Variants in INSYN2A observed in about 807,000 individuals in gnomAD.
INSYN2A encodes the protein inhibitory synaptic factor 2A, also known as family with sequence similarity 196 member A.
Under a neutral mutation model 39.4 loss-of-function variants are expected in INSYN2A, and 17 were observed. That is an observed-to-expected ratio of 0.43 (90% CI 0.30 to 0.65). The LOEUF is 0.65. Ranked by LOEUF, INSYN2A falls within the 30% of genes least tolerant of loss-of-function variation. The probability of loss-of-function intolerance (pLI) is 0.14; values close to 1 mark genes in which losing one functional copy is unlikely to be tolerated. For missense variants in INSYN2A, 595 were observed against 631.2 expected, an observed-to-expected ratio of 0.94 and a Z score of 0.61; for synonymous variants, 255 against 265.7, an observed-to-expected ratio of 0.96 and a Z score of 0.39.
In INSYN2A at chr10:127,175,586, C is replaced by T; in HGVS notation, c.810G>A (p.Leu270=). 1 of 1,612,456 alleles carries T rather than the reference C, an allele frequency of 6.2e-7. No homozygotes were observed. Among genetic ancestry groups the T allele is most frequent in the Non-Finnish European group, 8.5e-7 (1 of 1,179,898 alleles). Residue 270 remains leucine (L), a synonymous_variant, in exon 4 of 6, where the codon TTG becomes TTA. Coordinates refer to ENST00000522781, the MANE Select transcript of INSYN2A (RefSeq NM_001039762.3). The surrounding 1 kb of genome is among the most constrained non-coding windows in gnomAD (Gnocchi z 6.3). ...ACTGGCTGGCGGCTGCAGAGTCTGA[C>T]AAACCAGGCTCGGGGGCCCTGGCAC... ...ALSARAPEPG[L]SDSAAASQWS... is the part of the protein sequence containing the mutation.
chr10:127,139,089 C>T (rs1458918989), intron 5 of INSYN2A, among the ~76,000 whole-genome samples: 1 of 152,184 alleles, frequency 6.6e-6, no homozygotes, highest in Non-Finnish European at 1.5e-5. Flanking sequence ...CCTTCCATGT[C>T]TGGTCTGGAT....
intron 2 of INSYN2A, among the ~76,000 whole-genome samples, chr10:127,178,152 A>G (rs2055357447): frequency 6.6e-6 from 1 of 152,212 alleles, no homozygotes; most frequent in Non-Finnish European, 1.5e-5. Flanking sequence ...GCCCTCTATT[A>G]AAATGACCTC....
At chr10:127,182,164 T>G (rs747350432) in intron 2 of INSYN2A, among the ~76,000 whole-genome samples, 1 of 152,132 alleles carries the variant, frequency 6.6e-6, no homozygotes, top group Non-Finnish European at 1.5e-5. Context: ...CCTCTGTCAT[T>G]AAGAACTGAT....
intron 4 of INSYN2A, among the ~76,000 whole-genome samples, chr10:127,173,764 G>A (rs2054805401): frequency 6.6e-6 from 1 of 152,128 alleles, no homozygotes; most frequent in Non-Finnish European, 1.5e-5. Flanking sequence ...GATGAGTGTT[G>A]CTTTTGGATC....
Position 127,196,306 on chromosome 10 carries a change from T to G in INSYN2A, c.-704A>C, listed in dbSNP as rs1017999589. 6.7e-6 allele frequency: 1 copy of G among 148,500 alleles called. No individual in the cohort carries two copies. The highest frequency in any genetic ancestry group is 1.5e-5 in the Non-Finnish European group (1 of 66,850). 9.2% of individuals were successfully genotyped at this position (148,500 alleles called of 1,614,324 possible). A position where few individuals can be genotyped will look rare whatever the true frequency, so the allele number is the denominator to read the frequency against. ...GCGGGGAGGCAGCGGCTGGGCCAGC[T>G]CCGGGGACGCCCGCGCGCTCGCTTG... On this transcript the variant is annotated 5_prime_UTR_variant, in exon 1 of 6. Transcript: ENST00000522781.
chr10:127,176,485 A>T lies in INSYN2A; in HGVS notation c.-5-85T>A, dbSNP rs2055172562. The T allele has an allele frequency of 9.1e-7, 1 of 1,101,042 alleles. No homozygotes were observed. Among genetic ancestry groups the T allele is most frequent in the Non-Finnish European group, 1.3e-6 (1 of 770,302 alleles). The allele number at this position is 1,101,042 out of a possible 1,614,324, so 68.2% of individuals were successfully genotyped here. ...GCCGCACAAACTTTTAGCCACCACG[A>T]CGACTGCCTGTTTCCTAATTATATT... On this transcript the variant is annotated intron_variant, in intron 3 of 5. Coordinates refer to ENST00000522781, the MANE Select transcript of INSYN2A (RefSeq NM_001039762.3). This position sits in a 1 kb window ranked among gnomAD's most constrained non-coding sequence, Gnocchi z 4.4.
rs562946737 is a variant in INSYN2A at position 127,176,632 on chromosome 10, C to T, written c.-5-232G>A. Among the ~76,000 whole-genome samples, 67 of 152,326 alleles carry T rather than the reference C, an allele frequency of 4.4e-4. No individual in the cohort carries two copies. Among genetic ancestry groups the T allele is most frequent in the African/African-American group, 1.4e-3 (57 of 41,568 alleles). On this transcript the variant is annotated intron_variant, in intron 3 of 5. Transcript: ENST00000522781. The surrounding 1 kb of genome is among the most constrained non-coding windows in gnomAD (Gnocchi z 4.4). ...CTTGCTTTTCCAGGTGGGATACACT[C>T]GCTTTCCTTTTGACAGTAATGCATG...
chr10:127,183,403 A>G (rs529430630), intron 2 of INSYN2A, among the ~76,000 whole-genome samples: 66 of 152,258 alleles, frequency 4.3e-4, no homozygotes, highest in South Asian at 1.2e-3. Flanking sequence ...AAATGCCACA[A>G]TGTTTCTTTG....
intron 4 of INSYN2A, among the ~76,000 whole-genome samples, chr10:127,170,416 G>T (rs1399173215): frequency 6.6e-6 from 1 of 152,142 alleles, no homozygotes; most frequent in African/African-American, 2.4e-5. Context: ...GCTTCACTCT[G>T]GGCAGTGACA....
chr10:127,160,191 A>G (rs1016248517), intron 4 of INSYN2A, among the ~76,000 whole-genome samples: 1 of 152,224 alleles, frequency 6.6e-6, no homozygotes, highest in Non-Finnish European at 1.5e-5. Flanking sequence ...AGACCGAGAA[A>G]GTGACAAGCA....
rs1345905278 is a variant in INSYN2A, at chr10:127,153,793, G to A, written c.1256+59C>T. ...GGCCCCAGATCGTTCTTGCATTTGT[G>A]GGTAAACATCATTTGTCACTCATAA... On this transcript the variant is annotated intron_variant, in intron 5 of 5. Transcript: ENST00000522781. The A allele has an allele frequency of 8.3e-6, 11 of 1,323,584 alleles. No individual in the cohort carries two copies. The Admixed American group carries it at 1.5e-4, about 18-fold the overall frequency. 82.0% of individuals were successfully genotyped at this position (1,323,584 alleles called of 1,614,324 possible). A position where few individuals can be genotyped will look rare whatever the true frequency, so the allele number is the denominator to read the frequency against.
chr10:127,170,262 C>T (rs2054442835), intron 4 of INSYN2A, among the ~76,000 whole-genome samples: 1 of 152,100 alleles, frequency 6.6e-6, no homozygotes, highest in African/African-American at 2.4e-5. Context: ...TTAGTAAAGT[C>T]ACAAAGCCCC....
At chr10:127,139,896 A>T (rs902680442) in intron 5 of INSYN2A, among the ~76,000 whole-genome samples, 1 of 152,194 alleles carries the variant, frequency 6.6e-6, no homozygotes, top group Admixed American at 6.5e-5. Flanking sequence ...ATTGATCACT[A>T]ATCTTATAAT....
At chr10:127,155,019 C>G (rs1471462498) in intron 4 of INSYN2A, among the ~76,000 whole-genome samples, 1 of 152,144 alleles carries the variant, frequency 6.6e-6, no homozygotes, top group African/African-American at 2.4e-5. Context: ...TGTCCAGGCA[C>G]AGACATGATA....
At chr10:127,146,040 C>T (rs760792735) in intron 5 of INSYN2A, 2 of 518,538 alleles carry the variant, frequency 3.9e-6, no homozygotes, top group East Asian at 1.1e-4. Flanking sequence ...TCATACGACC[C>T]AGCCCTAGAC....
At chr10:127,153,675 G>A (rs938159610) in intron 5 of INSYN2A, among the ~76,000 whole-genome samples, 177 bp downstream of exon 5, 5 of 152,114 alleles carry the variant, frequency 3.3e-5, no homozygotes, top group Non-Finnish European at 7.4e-5. Flanking sequence ...TACATCCCAC[G>A]GTTCTATACT....
At chr10:127,188,753 G>A (rs988930870) in intron 2 of INSYN2A, among the ~76,000 whole-genome samples, 11 of 152,194 alleles carry the variant, frequency 7.2e-5, no homozygotes, top group African/African-American at 2.4e-4. Context: ...GGTAACACTT[G>A]TGTATAACAC....
intron 4 of INSYN2A, among the ~76,000 whole-genome samples, chr10:127,159,380 C>T (rs945997689): frequency 1.3e-5 from 2 of 152,164 alleles, no homozygotes; most frequent in African/African-American, 2.4e-5. Flanking sequence ...TCTCTAGCTA[C>T]CTTATACCTT....
chr10:127,180,768 A>T (rs902679322), intron 2 of INSYN2A, among the ~76,000 whole-genome samples: 3 of 152,252 alleles, frequency 2.0e-5, no homozygotes, highest in African/African-American at 7.2e-5. Context: ...GGCGGCCATT[A>T]AAAGGATAAT....
Sources: gnomAD v4.1 joint callset for allele counts (sites outside exome capture counted in the v4.1 genomes callset) on GRCh38, gnomAD v4.1.1 for gene constraint, Gnocchi (gnomAD v3.1) non-coding constraint, MANE v1.5 for transcripts, NCBI Gene and HGNC (gene_info 2026-07-23, HGNC 2026-07-21) for gene names.